Variants in BANP observed in about 807,000 individuals in gnomAD.
BANP encodes BTG3 associated nuclear protein.
A neutral mutation model predicts 68.1 loss-of-function variants in BANP; 11 were observed. The ratio of observed to expected loss-of-function variants is 0.16; its 90% CI spans 0.10 to 0.27. BANP has a LOEUF of 0.27. BANP is among the 10% of genes least tolerant of loss of function. The pLI, the probability that BANP is intolerant of heterozygous loss-of-function variation, is 1.00. For missense variants in BANP, 504 were observed against 722.7 expected (o/e 0.70, Z 3.47); for synonymous variants, 329 against 303.2 (o/e 1.09, Z -0.88).
chr16:87,975,133 C>T lies in BANP; in HGVS notation c.18C>T (p.Asp6=), dbSNP rs754402032. MMSEH[D]LADVVQIAVE... ...TGCTCTGGATGATGTCGGAACACGA[C>T]CTGGCCGATGTGGTTCAGATTGCAG... Residue 6 remains aspartate, a synonymous_variant, in exon 2 of 14, where the codon GAC becomes GAT. Coordinates refer to ENST00000682872, the MANE Select transcript of BANP (RefSeq NM_001386991.1). The T allele has an allele frequency of 3.1e-6, 5 of 1,614,032 alleles. No individual in the cohort carries two copies. Among genetic ancestry groups the T allele is most frequent in the East Asian group, 4.5e-5 (2 of 44,898 alleles).
upstream of BANP, chr16:87,951,049 T>C (rs115497647): frequency 6.6e-6 from 1 of 152,200 alleles, no homozygotes; most frequent in Non-Finnish European, 1.5e-5. Flanking sequence ...CCGGCAGGCA[T>C]GGCCCAGACG....
chr16:88,074,503 C>G (rs1567955373), intron 13 of BANP, among the ~76,000 whole-genome samples: 1 of 152,112 alleles, frequency 6.6e-6, no homozygotes, highest in African/African-American at 2.4e-5. Flanking sequence ...CACAGGCTCC[C>G]TGAACCATCT....
intron 8 of BANP, among the ~76,000 whole-genome samples, chr16:88,030,602 C>A (rs1216674207): frequency 1.3e-5 from 2 of 152,184 alleles, no homozygotes; most frequent in East Asian, 3.9e-4. Context: ...ATACCAGAAT[C>A]TTGAAAGAGT....
chr16:87,954,922 C>T (rs2057743353), intron 1 of BANP, among the ~76,000 whole-genome samples: 4 of 152,226 alleles, frequency 2.6e-5, no homozygotes. Flanking sequence ...TTGGTAATTG[C>T]CCACAGTCAA....
chr16:88,059,381 A>G (rs1372517567), intron 11 of BANP, among the ~76,000 whole-genome samples: 1 of 151,978 alleles, frequency 6.6e-6, no homozygotes, highest in Non-Finnish European at 1.5e-5. Flanking sequence ...CTCTGTGTTC[A>G]AATCTGCTTC....
In BANP at chr16:88,076,779, C is replaced by G. The variant is rs970003465; in HGVS notation, c.*118C>G. ...CTGCACGTGTTCTGCTGAAGTGCGTCTGAAGGCCGCTGCCTCCGCGGGGAA... is the reference window on the plus strand; with the variant it reads ...CTGCACGTGTTCTGCTGAAGTGCGTGTGAAGGCCGCTGCCTCCGCGGGGAA... On this transcript the variant is annotated 3_prime_UTR_variant, in exon 14 of 14. Coordinates refer to ENST00000682872, the MANE Select transcript of BANP (RefSeq NM_001386991.1). The G allele has an allele frequency of 6.3e-6, 5 of 788,806 alleles. No homozygotes were observed. The highest frequency in any genetic ancestry group is 3.7e-5 in the South Asian group (2 of 54,674). The allele number at this position is 788,806 out of a possible 1,614,324, so 48.9% of individuals were successfully genotyped here. A position where few individuals can be genotyped will look rare whatever the true frequency, so the allele number is the denominator to read the frequency against.
At chr16:88,044,522 C>CT (rs2081519255) in intron 11 of BANP, among the ~76,000 whole-genome samples, 1 of 152,190 alleles carries the variant, frequency 6.6e-6, no homozygotes, top group African/African-American at 2.4e-5. Flanking sequence ...TGAAAACTGG[C>CT]TATGACACAT....
chr16:88,053,144 TCAC>T (rs1434998892), intron 11 of BANP, among the ~76,000 whole-genome samples: 3 of 140,740 alleles, frequency 2.1e-5, no homozygotes, highest in African/African-American at 8.4e-5. Context: ...ATCATCATCA[TCAC>T]CAACACAACC....
At chr16:88,054,388 A>G (rs566968643) in intron 11 of BANP, among the ~76,000 whole-genome samples, 44 of 150,054 alleles carry the variant, frequency 2.9e-4, no homozygotes, top group African/African-American at 1.0e-3. Flanking sequence ...CACCTCTACT[A>G]TCTCCATCAT....
intron 1 of BANP, among the ~76,000 whole-genome samples, chr16:87,974,258 T>C (rs1215454022): frequency 1.3e-5 from 2 of 152,248 alleles, no homozygotes; most frequent in Non-Finnish European, 2.9e-5. Flanking sequence ...GTTTGAATGA[T>C]GCAGCCTTAT....
rs751692720 is a variant in BANP, at chr16:88,006,191, C to T, written c.581C>T (p.Ser194Phe). Residue 194 changes from serine to phenylalanine, a missense_variant, in exon 6 of 14, where the codon TCT becomes TTT. Coordinates refer to ENST00000682872, the MANE Select transcript of BANP (RefSeq NM_001386991.1). ...DGESGSEASD[S>F]VSSCGQAGSQ... is the part of the protein sequence containing the mutation. Reference sequence around the variant, plus strand: ...GAGAGCGGCTCGGAGGCCAGCGACTCTGTGTCCAGCTGTGGGCAGGCGGGC... The same window carrying T: ...GAGAGCGGCTCGGAGGCCAGCGACTTTGTGTCCAGCTGTGGGCAGGCGGGC... 1 of 1,613,728 alleles carries T rather than the reference C, an allele frequency of 6.2e-7. No individual in the cohort carries two copies. The highest frequency in any genetic ancestry group is 1.3e-5 in the African/African-American group (1 of 74,932).
rs544366650 is a variant in BANP at position 87,959,549 on chromosome 16, G to A, written c.-69+8034G>A. ...GGCTTGGTACTAGCAGGCTCTCCGG[G>A]GAGGAGGCCCCCTGGAGGAACAGCG... is the stretch of plus-strand genomic sequence containing the variant. On this transcript the variant is annotated intron_variant, in intron 1 of 13. Transcript: ENST00000682872. Among the ~76,000 whole-genome samples the A allele has an allele frequency of 8.5e-5, 13 of 152,354 alleles. No homozygotes were observed. In the South Asian group the frequency reaches 2.5e-3, roughly 29 times the overall value.
Position 88,071,656 on chromosome 16 carries a change from G to C in BANP, c.1378-413G>C. ...GTTTGGGTCTCAGCCTCACGCTCAC[G>C]GTCCTGGCTTGGATTTTAGGCCTCA... is the stretch of plus-strand genomic sequence containing the variant. On this transcript the variant is annotated intron_variant, in intron 12 of 13. Transcript: ENST00000682872. The surrounding 1 kb of genome is among the most constrained non-coding windows in gnomAD (Gnocchi z 6.5). 2.1e-6 allele frequency: 1 copy of C among 469,502 alleles called. No individual in the cohort carries two copies. Among genetic ancestry groups the C allele is most frequent in the East Asian group, 6.5e-5 (1 of 15,326 alleles). 29.1% of individuals were successfully genotyped at this position (469,502 alleles called of 1,614,324 possible). A position where few individuals can be genotyped will look rare whatever the true frequency, so the allele number is the denominator to read the frequency against.
chr16:87,988,088 T>G (rs1333469346), intron 4 of BANP, among the ~76,000 whole-genome samples: 3 of 152,120 alleles, frequency 2.0e-5, no homozygotes, highest in Non-Finnish European at 4.4e-5. Context: ...ATAATCCCAG[T>G]ATGTCAATGA....
At chr16:88,044,309 A>C (rs1280595215) in intron 11 of BANP, among the ~76,000 whole-genome samples, 1 of 148,874 alleles carries the variant, frequency 6.7e-6, no homozygotes, top group Non-Finnish European at 1.5e-5. Context: ...GCACACACAC[A>C]GTCGGAACAG....
intron 9 of BANP, among the ~76,000 whole-genome samples, chr16:88,033,539 A>G (rs1028903493): frequency 3.3e-5 from 5 of 152,194 alleles, no homozygotes; most frequent in African/African-American, 9.7e-5. Flanking sequence ...TCCAAGGGTC[A>G]GGCCGTGCGG....
intron 11 of BANP, among the ~76,000 whole-genome samples, chr16:88,049,669 A>G (rs2082802287): frequency 6.6e-6 from 1 of 152,176 alleles, no homozygotes; most frequent in Non-Finnish European, 1.5e-5. Flanking sequence ...GCCAGGAACC[A>G]GGGACAAAAC....
chr16:87,961,462 G>C (rs961109872), intron 1 of BANP, among the ~76,000 whole-genome samples: 7 of 143,300 alleles, frequency 4.9e-5, no homozygotes, highest in African/African-American at 1.8e-4. Flanking sequence ...CACTTCCCCT[G>C]GTGAGGCTGC....
At chr16:88,008,171 C>T (rs1598386363) in intron 6 of BANP, among the ~76,000 whole-genome samples, 1 of 152,162 alleles carries the variant, frequency 6.6e-6, no homozygotes, top group South Asian at 2.1e-4. Context: ...CTTTTCATGG[C>T]TGCGTGATGT....
Sources: gnomAD v4.1 joint callset for allele counts (sites outside exome capture counted in the v4.1 genomes callset) on GRCh38, gnomAD v4.1.1 for gene constraint, Gnocchi (gnomAD v3.1) non-coding constraint, MANE v1.5 for transcripts, NCBI Gene and HGNC (gene_info 2026-07-23, HGNC 2026-07-21) for gene names.